The following CFAP299 variants were observed in gnomAD, a reference collection of about 807,000 sequenced individuals.
The protein encoded by CFAP299 is cilia- and flagella-associated protein 299.
CFAP299 carries 21 observed loss-of-function variants against 27.0 expected under a neutral mutation model. That is an observed-to-expected ratio of 0.78 (90% confidence interval 0.55 to 1.12). The LOEUF is 1.12. Ranked by LOEUF, CFAP299 falls within the 50% of genes most tolerant of loss-of-function variation. CFAP299 has a pLI of 0.00. For missense variants in CFAP299, 310 were observed against 276.6 expected (o/e 1.12, Z -0.86); for synonymous variants, 104 against 98.1 (o/e 1.06, Z -0.36).
At chr4:80,330,732 G>A (rs533972083), upstream of CFAP299, among the ~76,000 whole-genome samples, 1 of 152,260 alleles carries the variant, frequency 6.6e-6, no homozygotes, top group African/African-American at 2.4e-5. Flanking sequence ...GTATTGCTAA[G>A]TGCCTTTCTA....
chr4:80,342,790 A>G (rs1045401949), intron 1 of CFAP299, among the ~76,000 whole-genome samples: 40 of 152,228 alleles, frequency 2.6e-4, no homozygotes, highest in Admixed American at 2.6e-3. Context: ...ATAACCAGCT[A>G]GCATCATGAT....
chr4:80,828,891 A>T (rs1210930750), intron 3 of CFAP299, among the ~76,000 whole-genome samples: 1 of 152,094 alleles, frequency 6.6e-6, no homozygotes, highest in African/African-American at 2.4e-5. Context: ...TGCATGCAAA[A>T]AATGAAGTTG....
intron 5 of CFAP299, among the ~76,000 whole-genome samples, chr4:80,950,553 C>A (rs143659904): frequency 2.6e-5 from 4 of 152,090 alleles, no homozygotes; most frequent in African/African-American, 9.6e-5. Context: ...GACATGAGGA[C>A]TGGAGAGGAA....
intron 3 of CFAP299, among the ~76,000 whole-genome samples, chr4:80,584,201 G>A (rs937458986): frequency 2.0e-5 from 3 of 152,022 alleles, no homozygotes; most frequent in Non-Finnish European, 2.9e-5. Flanking sequence ...CAGCAGAAAA[G>A]TCTGAATGAA....
chr4:80,946,664 T>C (rs1290499125), intron 5 of CFAP299, among the ~76,000 whole-genome samples: 1 of 152,214 alleles, frequency 6.6e-6, no homozygotes, highest in Non-Finnish European at 1.5e-5. Flanking sequence ...ATACTCTTTT[T>C]TGGTCTCAGG....
At chr4:80,893,558 T>C (rs985360231) in intron 4 of CFAP299, among the ~76,000 whole-genome samples, 4 of 151,666 alleles carry the variant, frequency 2.6e-5, no homozygotes, top group South Asian at 4.2e-4. Flanking sequence ...CACAGAAATA[T>C]ATACATATTT....
intron 2 of CFAP299, among the ~76,000 whole-genome samples, chr4:80,530,145 C>T (rs1000199414): frequency 3.3e-5 from 5 of 151,976 alleles, no homozygotes; most frequent in Non-Finnish European, 5.9e-5. Context: ...ATTTGTACTT[C>T]CATATGTTTG....
At chr4:80,660,677 G>A (rs1185967567) in intron 3 of CFAP299, among the ~76,000 whole-genome samples, 1 of 152,132 alleles carries the variant, frequency 6.6e-6, no homozygotes, top group East Asian at 1.9e-4. Flanking sequence ...TTCAAGGGTG[G>A]TGCCATTTGC....
chr4:80,871,252 G>T lies in CFAP299; in HGVS notation c.476+1117G>T. On this transcript the variant is annotated intron_variant, in intron 4 of 5. Coordinates refer to ENST00000358105, the MANE Select transcript of CFAP299 (RefSeq NM_152770.3). ...CTTAGCTCTTTCCTGTCCTACCTAG[G>T]ATAACATTTCATTTAACTTCTCTCT... 3.0e-6 allele frequency: 3 copies of T among 985,332 alleles called. No homozygotes were observed. The African/African-American group carries it at 5.2e-5, about 17-fold the overall frequency. 61.0% of individuals were successfully genotyped at this position (985,332 alleles called of 1,614,324 possible).
At chr4:80,511,815 G>A (rs1265144758) in intron 2 of CFAP299, among the ~76,000 whole-genome samples, 1 of 152,024 alleles carries the variant, frequency 6.6e-6, no homozygotes, top group East Asian at 1.9e-4. Context: ...GCCAAACCAA[G>A]CATAAAATAA....
chr4:80,608,272 A>C, intron 3 of CFAP299: 141 of 1,069,258 alleles, frequency 1.3e-4, no homozygotes, highest in Middle Eastern at 2.0e-4. Flanking sequence ...TACTTTAGAT[A>C]GGAGATTTGT....
At chr4:80,695,573 T>G (rs543729823) in intron 3 of CFAP299, among the ~76,000 whole-genome samples, 6 of 152,308 alleles carry the variant, frequency 3.9e-5, no homozygotes, top group African/African-American at 1.4e-4. Context: ...TCTCCTTTTG[T>G]ATAGCTATAA....
chr4:80,826,627 C>A lies in CFAP299; in HGVS notation c.334-43366C>A, dbSNP rs559745149. On this transcript the variant is annotated intron_variant, in intron 3 of 5. Coordinates refer to ENST00000358105, the MANE Select transcript of CFAP299 (RefSeq NM_152770.3). Reference sequence around the variant, plus strand: ...GTTCCACAGTAATAGTTCAATGCCCCACACTCAGTAATGAATAGGACATCC... The same window carrying A: ...GTTCCACAGTAATAGTTCAATGCCCAACACTCAGTAATGAATAGGACATCC... 6.0e-4 allele frequency among the ~76,000 whole-genome samples: 91 copies of A among 151,598 alleles called. 1 individual carries two copies. The highest frequency in any genetic ancestry group is 1.1e-3 in the Non-Finnish European group (74 of 67,716).
intron 3 of CFAP299, among the ~76,000 whole-genome samples, chr4:80,631,838 G>A (rs1739218999): frequency 7.4e-6 from 1 of 135,944 alleles, no homozygotes; most frequent in South Asian, 2.4e-4. Flanking sequence ...ATAGGTTTAG[G>A]CTATCAGTCT....
At chr4:80,665,990 C>T (rs1457543496) in intron 3 of CFAP299, among the ~76,000 whole-genome samples, 8 of 152,096 alleles carry the variant, frequency 5.3e-5, no homozygotes, top group African/African-American at 1.9e-4. Flanking sequence ...AACCACTATG[C>T]TTTCTGTACA....
intron 2 of CFAP299, among the ~76,000 whole-genome samples, chr4:80,524,990 C>A (rs1356260299): frequency 6.6e-6 from 1 of 152,086 alleles, no homozygotes. Context: ...TATGACAAGG[C>A]CCTGGCTTTT....
intron 3 of CFAP299, among the ~76,000 whole-genome samples, chr4:80,734,603 T>C (rs1390413726): frequency 6.6e-6 from 1 of 152,156 alleles, no homozygotes; most frequent in East Asian, 1.9e-4. Context: ...TTTGAGGTCT[T>C]AGATTTAAGT....
chr4:80,922,606 A>G (rs1736101389), intron 4 of CFAP299, among the ~76,000 whole-genome samples: 1 of 151,956 alleles, frequency 6.6e-6, no homozygotes, highest in African/African-American at 2.4e-5. Context: ...ATAAAACTAG[A>G]TATTTATTTT....
chr4:80,762,546 C>A lies in CFAP299; in HGVS notation c.334-107447C>A, dbSNP rs140751178. On this transcript the variant is annotated intron_variant, in intron 3 of 5. Coordinates refer to ENST00000358105, the MANE Select transcript of CFAP299 (RefSeq NM_152770.3). ...TAATTTTAATTTCAGTAAGTTAGAG[C>A]ATAACTTTAATTCTCATCTGGGAAC... is the stretch of plus-strand genomic sequence containing the variant. Among the ~76,000 whole-genome samples, 626 of 152,156 alleles carry A rather than the reference C, an allele frequency of 4.1e-3. 5 individuals carry two copies. Among genetic ancestry groups the A allele is most frequent in the South Asian group, 8.5e-3 (41 of 4,824 alleles).
Sources: gnomAD v4.1 joint callset for allele counts (sites outside exome capture counted in the v4.1 genomes callset) on GRCh38, gnomAD v4.1.1 for gene constraint, MANE v1.5 for transcripts, NCBI Gene and HGNC (gene_info 2026-07-23, HGNC 2026-07-21) for gene names.